The following FRMD3 variants were observed in gnomAD, a reference collection of about 807,000 sequenced individuals.
The protein encoded by FRMD3 is FERM domain-containing protein 3.
FRMD3 carries 33 observed loss-of-function variants against 70.2 expected under a neutral mutation model. That is an observed-to-expected ratio of 0.47 (90% confidence interval 0.36 to 0.63). FRMD3 has a LOEUF of 0.63. Ranked by LOEUF, FRMD3 falls within the 20% of genes least tolerant of loss-of-function variation. FRMD3 has a pLI of 0.00. For synonymous variants in FRMD3, 279 were observed against 255.9 expected (o/e 1.09, Z -0.86); for missense variants, 632 against 711.4 (o/e 0.89, Z 1.27).
At chr9:83,468,640 T>C (rs189153891) in intron 1 of FRMD3, among the ~76,000 whole-genome samples, 554 of 152,348 alleles carry the variant, frequency 3.6e-3, no homozygotes, top group Non-Finnish European at 5.4e-3. Context: ...AAATCCCTAC[T>C]GTCCCAGATT....
chr9:83,465,874 G>C (rs1418670566), intron 1 of FRMD3, among the ~76,000 whole-genome samples: 1 of 152,134 alleles, frequency 6.6e-6, no homozygotes, highest in African/African-American at 2.4e-5. Context: ...TCTTAATCAT[G>C]AGCTTTAAAC....
chr9:83,374,921 A>G (rs1416232768), intron 2 of FRMD3, among the ~76,000 whole-genome samples: 1 of 152,250 alleles, frequency 6.6e-6, no homozygotes, highest in East Asian at 1.9e-4. Flanking sequence ...ATCAATACTT[A>G]CTGCAATTGT....
intron 9 of FRMD3, 124 bp from the exon 10 acceptor site, chr9:83,309,748 C>T: frequency 1.7e-6 from 1 of 587,288 alleles, no homozygotes; most frequent in Non-Finnish European, 3.1e-6. Context: ...CTTGAAGTAA[C>T]TTAACATATT....
intron 2 of FRMD3, among the ~76,000 whole-genome samples, chr9:83,380,305 G>T (rs184408505): frequency 1.3e-5 from 2 of 152,032 alleles, no homozygotes; most frequent in Non-Finnish European, 2.9e-5. Context: ...CTACACAAAG[G>T]GGGTGAAAAA....
At chr9:83,421,009 C>T (rs1165585044) in intron 1 of FRMD3, among the ~76,000 whole-genome samples, 1 of 138,404 alleles carries the variant, frequency 7.2e-6, no homozygotes, top group Non-Finnish European at 1.5e-5. Context: ...GGCGCGATCT[C>T]GGCTCACTGC....
rs1214872929 is a variant in FRMD3, at chr9:83,261,118, C to CACACACAG, written c.1196-12603_1196-12602insCTGTGTGT. The stretch of plus-strand genomic sequence containing the variant: ...GGAAACTTAGACACACACACACACA[C>CACACACAG]ACACACACACACACACACACACAGC... On this transcript the variant is annotated intron_variant, in intron 13 of 13. Transcript: ENST00000304195. 1.2e-4 allele frequency among the ~76,000 whole-genome samples: 18 copies of CACACACAG among 150,426 alleles called. No individual in the cohort carries two copies. In the Middle Eastern group the frequency reaches 0.01, roughly 86 times the overall value.
the FRMD3 span, among the ~76,000 whole-genome samples, chr9:83,581,928 GT>G: frequency 6.6e-6 from 1 of 152,166 alleles, no homozygotes; most frequent in South Asian, 2.1e-4. Context: ...ATGGTTTCAT[GT>G]TAGAATGATG....
At chr9:83,522,867 A>C (rs1829606822) in intron 1 of FRMD3, among the ~76,000 whole-genome samples, 1 of 152,106 alleles carries the variant, frequency 6.6e-6, no homozygotes, top group South Asian at 2.1e-4. Context: ...CCAGCCCGAT[A>C]TATTTTTTAA....
At chr9:83,505,901 G>C (rs77286905) in intron 1 of FRMD3, among the ~76,000 whole-genome samples, 6,980 of 152,282 alleles carry the variant, frequency 0.046, 242 homozygotes, top group South Asian at 0.11. Context: ...TGAGAGTCCA[G>C]AGGCCCCTCC....
chr9:83,556,082 C>G, the FRMD3 span, among the ~76,000 whole-genome samples: 3 of 152,042 alleles, frequency 2.0e-5, no homozygotes, highest in Non-Finnish European at 4.4e-5. Flanking sequence ...TTACTTGCCC[C>G]TTCTGTTCCT....
At chr9:83,493,860 C>T (rs1005932901) in intron 1 of FRMD3, among the ~76,000 whole-genome samples, 62 of 152,234 alleles carry the variant, frequency 4.1e-4, no homozygotes, top group African/African-American at 1.3e-3. Context: ...CACCCAGCCT[C>T]CCCATCCCCT....
upstream of FRMD3, among the ~76,000 whole-genome samples, chr9:83,539,729 C>T (rs1018406432): frequency 3.9e-5 from 6 of 152,192 alleles, no homozygotes; most frequent in African/African-American, 1.4e-4. Flanking sequence ...CCTCCTCTCC[C>T]TGTTGATCAC....
intron 1 of FRMD3, among the ~76,000 whole-genome samples, chr9:83,428,550 G>C (rs1205065304): frequency 6.6e-6 from 1 of 150,986 alleles, no homozygotes; most frequent in East Asian, 2.0e-4. Context: ...TGCTCATGTT[G>C]GTCTGATGTA....
Position 83,247,466 on chromosome 9 carries a change from A to G in FRMD3, c.*452T>C. Reference sequence around the variant, plus strand: ...AAAAAAACAGAACCAAAAACCCAGCATAAATTTAGTTGTATAGGCATTGGT... The same window carrying G: ...AAAAAAACAGAACCAAAAACCCAGCGTAAATTTAGTTGTATAGGCATTGGT... On this transcript the variant is annotated 3_prime_UTR_variant, in exon 14 of 14. Coordinates refer to ENST00000304195, the MANE Select transcript of FRMD3 (RefSeq NM_174938.6). 3 of 984,208 alleles carry G rather than the reference A, an allele frequency of 3.0e-6. No individual in the cohort carries two copies. The highest frequency in any genetic ancestry group is 2.4e-6 in the Non-Finnish European group (2 of 828,574). The allele number at this position is 984,208 out of a possible 1,614,324, so 61.0% of individuals were successfully genotyped here. A position where few individuals can be genotyped will look rare whatever the true frequency, so the allele number is the denominator to read the frequency against.
At chr9:83,334,896 G>C (rs1468893071) in intron 6 of FRMD3, among the ~76,000 whole-genome samples, 1 of 152,186 alleles carries the variant, frequency 6.6e-6, no homozygotes, top group Non-Finnish European at 1.5e-5. Context: ...TCTGTAATAT[G>C]AGAATAACAA....
chr9:83,483,802 G>A (rs1465734033), intron 1 of FRMD3, among the ~76,000 whole-genome samples: 1 of 152,154 alleles, frequency 6.6e-6, no homozygotes, highest in Non-Finnish European at 1.5e-5. Context: ...TGAGACTGCA[G>A]TGTGCTGTGA....
At chr9:83,423,329 C>T (rs1206684086) in intron 1 of FRMD3, among the ~76,000 whole-genome samples, 1 of 152,144 alleles carries the variant, frequency 6.6e-6, no homozygotes, top group East Asian at 1.9e-4. Context: ...CTCTTGCACT[C>T]ATCCCAGGGA....
chr9:83,410,850 C>T (rs973898810), intron 1 of FRMD3, among the ~76,000 whole-genome samples: 3 of 152,232 alleles, frequency 2.0e-5, no homozygotes, highest in Non-Finnish European at 2.9e-5. Flanking sequence ...CTAAAAGCAA[C>T]ATATTTGCTC....
chr9:83,259,613 G>A (rs1832892720), intron 13 of FRMD3, among the ~76,000 whole-genome samples: 1 of 152,134 alleles, frequency 6.6e-6, no homozygotes, highest in Non-Finnish European at 1.5e-5. Context: ...GTTAAGTGTA[G>A]GTAGACTGTG....
Sources: allele counts gnomAD v4.1 joint callset (sites outside exome capture counted in the v4.1 genomes callset), GRCh38; gene constraint gnomAD v4.1.1; transcripts MANE v1.5; gene names NCBI Gene and HGNC (gene_info 2026-07-23, HGNC 2026-07-21).